Variants in RBPMS observed in about 807,000 individuals in gnomAD.
RBPMS encodes the protein RNA binding protein, mRNA processing factor.
Under a neutral mutation model 26.8 loss-of-function variants are expected in RBPMS, and 7 were observed. The observed-to-expected ratio is 0.26, with a 90% confidence interval of 0.15 to 0.49. RBPMS has a LOEUF of 0.49. Among genes scored for constraint, RBPMS ranks in the 20% least tolerant of loss-of-function variants. The pLI, the probability that RBPMS is intolerant of heterozygous loss-of-function variation, is 0.98. For synonymous variants in RBPMS, 96 were observed against 93.3 expected (o/e 1.03, Z -0.17); for missense variants, 186 against 250.0 (o/e 0.74, Z 1.73).
In RBPMS at chr8:30,392,856, G is replaced by A. The variant is rs1197461588; in HGVS notation, c.66+7698G>A. Among the ~76,000 whole-genome samples, 6 of 151,616 alleles carry A rather than the reference G, an allele frequency of 4.0e-5. 1 individual carries two copies. The highest frequency in any genetic ancestry group is 8.8e-5 in the Non-Finnish European group (6 of 67,920). On this transcript the variant is annotated intron_variant, in intron 1 of 8. Coordinates refer to ENST00000397323, the MANE Select transcript of RBPMS (RefSeq NM_001008710.3). The stretch of plus-strand genomic sequence containing the variant: ...AAGAAGGTACCTAGGAGATGAAGAT[G>A]TTACTGAGTCTGGGGTGCAGAGGAG...
intron 6 of RBPMS, 143 bp from the exon 7 acceptor site, chr8:30,558,744 C>T (rs1373123334): frequency 2.7e-6 from 2 of 733,742 alleles, no homozygotes; most frequent in African/African-American, 1.7e-5. Context: ...CTTTTCAGCC[C>T]CTTGGGGAAG....
At chr8:30,551,151 G>C (rs1242035564) in intron 6 of RBPMS, among the ~76,000 whole-genome samples, 1 of 151,736 alleles carries the variant, frequency 6.6e-6, no homozygotes, top group African/African-American at 2.4e-5. Context: ...TCTCCCTGGT[G>C]ACCCTCTCCA....
At chr8:30,562,327 GAAAA>G (rs753001749) in intron 7 of RBPMS, among the ~76,000 whole-genome samples, 3 of 103,386 alleles carry the variant, frequency 2.9e-5, no homozygotes, top group African/African-American at 4.1e-5. Context: ...CAAGACTGTC[GAAAA>G]AAAAAAAAAA....
In RBPMS at chr8:30,390,686, A is replaced by G. The variant is rs1005706275; in HGVS notation, c.66+5528A>G. Among the ~76,000 whole-genome samples the G allele has an allele frequency of 6.6e-5, 10 of 152,260 alleles. No individual in the cohort carries two copies. The East Asian group carries it at 9.7e-4, about 15-fold the overall frequency. On this transcript the variant is annotated intron_variant, in intron 1 of 8. Coordinates refer to ENST00000397323, the MANE Select transcript of RBPMS (RefSeq NM_001008710.3). ...TCCCATCCCATAGAGATGATTTTTC[A>G]TTAGAATTTCAGTAAAAGTTACTTT...
At chr8:30,549,047 C>T (rs1415695085) in intron 6 of RBPMS, among the ~76,000 whole-genome samples, 3 of 152,168 alleles carry the variant, frequency 2.0e-5, no homozygotes, top group African/African-American at 7.2e-5. Flanking sequence ...CCCCTCCAGG[C>T]GCATGGGAGG....
At chr8:30,465,743 C>T (rs1218604192) in intron 1 of RBPMS, among the ~76,000 whole-genome samples, 2 of 152,170 alleles carry the variant, frequency 1.3e-5, no homozygotes, top group African/African-American at 4.8e-5. Flanking sequence ...GTGCCGAAAT[C>T]GTGCCACTGC....
intron 1 of RBPMS, among the ~76,000 whole-genome samples, chr8:30,451,236 G>A (rs1272251896): frequency 2.0e-5 from 3 of 152,134 alleles, no homozygotes; most frequent in Non-Finnish European, 4.4e-5. Context: ...AATGCCCTGA[G>A]ACTTTTCTTT....
At chr8:30,562,346 AG>A in intron 7 of RBPMS, among the ~76,000 whole-genome samples, 1 of 141,304 alleles carries the variant, frequency 7.1e-6, no homozygotes, top group South Asian at 2.4e-4. Flanking sequence ...AAAAAAAAAG[AG>A]TATGTAATGT....
In RBPMS at chr8:30,557,402, C is replaced by T. The variant is rs570660031; in HGVS notation, c.529-1485C>T. On this transcript the variant is annotated intron_variant, in intron 6 of 8. Coordinates refer to ENST00000397323, the MANE Select transcript of RBPMS (RefSeq NM_001008710.3). ...CTTTTAGAATCAAGTTAGGGGATCT[C>T]GTGGGGCCTCATCCTGGATTCTGAC... is the stretch of plus-strand genomic sequence containing the variant. Among the ~76,000 whole-genome samples, 52 of 152,266 alleles carry T rather than the reference C, an allele frequency of 3.4e-4. 1 individual carries two copies. In the South Asian group the frequency reaches 5.2e-3, roughly 15 times the overall value.
At position 30,518,687 on chromosome 8, in the gene RBPMS, C is replaced by CTTTT. The variant is rs58763494; in HGVS notation, c.397+14276_397+14279dup. Reference sequence around the variant, plus strand: ...CAGTGATCCGCCCGGCCAAGCATGACTTTTTTTTTTTTTTTTTTTTTTTTT... The same window carrying CTTTT: ...CAGTGATCCGCCCGGCCAAGCATGACTTTTTTTTTTTTTTTTTTTTTTTTTTTTT... On this transcript the variant is annotated intron_variant, in intron 5 of 8. Transcript: ENST00000397323. 3.7e-3 allele frequency among the ~76,000 whole-genome samples: 67 copies of CTTTT among 18,236 alleles called. 19 individuals carry two copies. Among genetic ancestry groups the CTTTT allele is most frequent in the Admixed American group, 8.6e-3 (8 of 930 alleles). 12.0% of individuals were successfully genotyped at this position (18,236 alleles called of 152,430 possible).
At chr8:30,459,398 G>A (rs1815636197) in intron 1 of RBPMS, among the ~76,000 whole-genome samples, 1 of 152,108 alleles carries the variant, frequency 6.6e-6, no homozygotes, top group South Asian at 2.1e-4. Context: ...TGGGACTACA[G>A]GCATGAACAC....
Position 30,386,071 on chromosome 8 carries a change from G to A in RBPMS, c.66+913G>A, listed in dbSNP as rs138026991. ...GGCGTACTTCTTAACATCCCACACA[G>A]TTGAGTTCTTAAACATTCTAGAGGA... is the stretch of plus-strand genomic sequence containing the variant. On this transcript the variant is annotated intron_variant, in intron 1 of 8. Coordinates refer to ENST00000397323, the MANE Select transcript of RBPMS (RefSeq NM_001008710.3). Among the ~76,000 whole-genome samples, 276 of 152,310 alleles carry A rather than the reference G, an allele frequency of 1.8e-3. 2 individuals carry two copies. Among genetic ancestry groups the A allele is most frequent in the African/African-American group, 6.1e-3 (255 of 41,568 alleles).
intron 1 of RBPMS, among the ~76,000 whole-genome samples, chr8:30,451,028 A>G (rs10106964): frequency 0.25 from 37,533 of 152,042 alleles, 4,993 homozygotes; most frequent in East Asian, 0.42. Context: ...CTCCTTGAAA[A>G]GCCCTGGAGG....
rs541258815 is a variant in RBPMS at position 30,390,503 on chromosome 8, G to A, written c.66+5345G>A. On this transcript the variant is annotated intron_variant, in intron 1 of 8. Coordinates refer to ENST00000397323, the MANE Select transcript of RBPMS (RefSeq NM_001008710.3). ...CCACAAAGTCAAGTGCGCACATGGC[G>A]TTCGGGATTGCCCTCACCTACCTGT... 5.9e-5 allele frequency among the ~76,000 whole-genome samples: 9 copies of A among 152,268 alleles called. No individual in the cohort carries two copies. In the East Asian group the frequency reaches 1.2e-3, roughly 20 times the overall value.
chr8:30,516,363 G>A lies in RBPMS; in HGVS notation c.397+11927G>A, dbSNP rs546691010. ...TCGTGCCACTGTACTCCAGCCTGGG[G>A]GACAGAGTGAGTGAAACTGTATCTC... On this transcript the variant is annotated intron_variant, in intron 5 of 8. Coordinates refer to ENST00000397323, the MANE Select transcript of RBPMS (RefSeq NM_001008710.3). Among the ~76,000 whole-genome samples the A allele has an allele frequency of 5.9e-5, 9 of 152,040 alleles. No homozygotes were observed. The South Asian group carries it at 1.9e-3, about 32-fold the overall frequency.
chr8:30,555,341 T>A (rs749692789), intron 6 of RBPMS, among the ~76,000 whole-genome samples: 12 of 152,174 alleles, frequency 7.9e-5, no homozygotes, highest in Non-Finnish European at 1.5e-4. Context: ...GGTAATAACT[T>A]ACCACTATTG....
At position 30,394,001 on chromosome 8, in the gene RBPMS, A is replaced by G. The variant is rs184046554; in HGVS notation, c.66+8843A>G. 7.7e-3 allele frequency among the ~76,000 whole-genome samples: 667 copies of G among 86,774 alleles called. 8 individuals are homozygous for G. The highest frequency in any genetic ancestry group is 0.035 in the Admixed American group (254 of 7,246). 56.9% of individuals were successfully genotyped at this position (86,774 alleles called of 152,430 possible). A position where few individuals can be genotyped will look rare whatever the true frequency, so the allele number is the denominator to read the frequency against. On this transcript the variant is annotated intron_variant, in intron 1 of 8. Transcript: ENST00000397323. Reference sequence around the variant, plus strand: ...GCATATTGTGTAAATGCTAAAGAGAAAAAGGAAATGGCAGTGATAAATGCC... The same window carrying G: ...GCATATTGTGTAAATGCTAAAGAGAGAAAGGAAATGGCAGTGATAAATGCC...
intron 1 of RBPMS, among the ~76,000 whole-genome samples, chr8:30,437,748 G>A (rs907553828): frequency 3.4e-5 from 5 of 148,492 alleles, no homozygotes; most frequent in East Asian, 2.0e-4. Flanking sequence ...CCCAGATCAC[G>A]CCACTGCACT....
chr8:30,429,097 C>T (rs1441535726), intron 1 of RBPMS, among the ~76,000 whole-genome samples: 1 of 152,174 alleles, frequency 6.6e-6, no homozygotes. Context: ...CTGCTAAAGT[C>T]ATAAAATAGA....
Sources: gnomAD v4.1 joint callset for allele counts (sites outside exome capture counted in the v4.1 genomes callset) on GRCh38, gnomAD v4.1.1 for gene constraint, MANE v1.5 for transcripts, NCBI Gene and HGNC (gene_info 2026-07-23, HGNC 2026-07-21) for gene names.